Variants in DOCK4 observed in about 807,000 individuals in gnomAD.
DOCK4 encodes the protein dedicator of cytokinesis protein 4.
Under a neutral mutation model 268.1 loss-of-function variants are expected in DOCK4, and 97 were observed. The ratio of observed to expected loss-of-function variants is 0.36; its 90% CI spans 0.31 to 0.43. The LOEUF is 0.43. Among genes scored for constraint, DOCK4 ranks in the 20% least tolerant of loss-of-function variants. DOCK4 has a pLI of 1.00. For synonymous variants in DOCK4, 954 were observed against 887.2 expected, an observed-to-expected ratio of 1.08 and a Z score of -1.34; for missense variants, 2,145 against 2,455.7, an observed-to-expected ratio of 0.87 and a Z score of 2.67.
At chr7:112,023,901 A>G (rs1456417955) in intron 1 of DOCK4, among the ~76,000 whole-genome samples, 1 of 152,232 alleles carries the variant, frequency 6.6e-6, no homozygotes, top group Non-Finnish European at 1.5e-5. Context: ...TAAAACTTTG[A>G]TATTTCACAT....
chr7:112,204,206 G>A (rs1047888968), intron 1 of DOCK4, among the ~76,000 whole-genome samples: 8 of 152,144 alleles, frequency 5.3e-5, no homozygotes, highest in Non-Finnish European at 8.8e-5. Flanking sequence ...CGCTTGTAAA[G>A]AAAGGCAAGA....
At chr7:111,925,930 C>CAATAAATA (rs568583311) in intron 12 of DOCK4, among the ~76,000 whole-genome samples, 4 of 148,326 alleles carry the variant, frequency 2.7e-5, no homozygotes, top group African/African-American at 1.0e-4. Flanking sequence ...TACTAAAATA[C>CAATAAATA]AATAAATAAA....
intron 1 of DOCK4, among the ~76,000 whole-genome samples, chr7:112,120,480 C>G (rs1344575123): frequency 6.6e-6 from 1 of 152,036 alleles, no homozygotes; most frequent in Non-Finnish European, 1.5e-5. Flanking sequence ...TGTTTATATC[C>G]TCAAAATCAG....
At chr7:111,827,532 G>C (rs1586107091) in intron 26 of DOCK4, among the ~76,000 whole-genome samples, 2 of 152,228 alleles carry the variant, frequency 1.3e-5, no homozygotes, top group Admixed American at 1.3e-4. Context: ...ACTGTATCCT[G>C]GGAAGGCTTC....
intron 42 of DOCK4, among the ~76,000 whole-genome samples, chr7:111,750,033 T>G (rs1796530074): frequency 6.6e-6 from 1 of 152,204 alleles, no homozygotes; most frequent in Non-Finnish European, 1.5e-5. Flanking sequence ...AGAATTACTT[T>G]CCTCTATCCT....
intron 27 of DOCK4, among the ~76,000 whole-genome samples, chr7:111,813,827 T>C (rs941221744): frequency 1.3e-5 from 2 of 152,216 alleles, no homozygotes; most frequent in African/African-American, 4.8e-5. Context: ...TTTTACTATA[T>C]GAAACTGAAG....
chr7:112,109,990 C>T (rs1369749611), intron 1 of DOCK4, among the ~76,000 whole-genome samples: 2 of 151,712 alleles, frequency 1.3e-5, no homozygotes, highest in South Asian at 2.1e-4. Context: ...GTGATCCGCC[C>T]GCCTCGGCCT....
intron 25 of DOCK4, among the ~76,000 whole-genome samples, chr7:111,842,328 C>A (rs1803762770): frequency 1.3e-5 from 2 of 152,112 alleles, no homozygotes; most frequent in African/African-American, 4.8e-5. Flanking sequence ...CTGTGAAAGA[C>A]CAATAGTTGG....
chr7:112,118,202 A>G (rs1355871680), intron 1 of DOCK4, among the ~76,000 whole-genome samples: 1 of 151,800 alleles, frequency 6.6e-6, no homozygotes, highest in Non-Finnish European at 1.5e-5. Flanking sequence ...TAAAAGAATA[A>G]CAACAGAACC....
intron 28 of DOCK4, among the ~76,000 whole-genome samples, chr7:111,810,752 T>G (rs1259798923): frequency 6.6e-6 from 1 of 152,026 alleles, no homozygotes; most frequent in African/African-American, 2.4e-5. Flanking sequence ...ATCCCAACAC[T>G]TTGGGAGGCT....
Position 112,011,753 on chromosome 7 carries a change from AAAAC to A in DOCK4, c.38-7626_38-7623del, listed in dbSNP as rs1454499562. Among the ~76,000 whole-genome samples the A allele has an allele frequency of 1.3e-3, 203 of 151,406 alleles. 2 individuals carry two copies. Among genetic ancestry groups the A allele is most frequent in the African/African-American group, 4.6e-3 (188 of 41,096 alleles). On this transcript the variant is annotated intron_variant, in intron 1 of 52. Transcript: ENST00000428084. Reference sequence around the variant, plus strand: ...ACAAGAAGAACTGAAGGTCAAAAAAAAAACAAAAAAAAAACCTTTAAGTTTAAGC... The same window carrying A: ...ACAAGAAGAACTGAAGGTCAAAAAAAAAAAAAAAAACCTTTAAGTTTAAGC...
chr7:112,128,882 C>G (rs1442640489), intron 1 of DOCK4, among the ~76,000 whole-genome samples: 1 of 152,016 alleles, frequency 6.6e-6, no homozygotes, highest in Non-Finnish European at 1.5e-5. Context: ...CCAAATCCCC[C>G]TCTGCGAGAA....
At chr7:112,109,838 G>A (rs1284523123) in intron 1 of DOCK4, among the ~76,000 whole-genome samples, 5 of 149,252 alleles carry the variant, frequency 3.4e-5, no homozygotes, top group East Asian at 2.0e-4. Flanking sequence ...TCCGCCTCCC[G>A]GGTTCACGCC....
chr7:111,994,051 T>A (rs1317688436), intron 5 of DOCK4, 84 bp downstream of exon 5: 7 of 809,308 alleles, frequency 8.6e-6, no homozygotes, highest in African/African-American at 5.1e-5. Flanking sequence ...GAAGGTGCTA[T>A]ATTAGTTAAT....
chr7:111,727,481 C>A lies in DOCK4; in HGVS notation c.*793G>T, dbSNP rs944053976. Reference sequence around the variant, plus strand: ...TTCAGCATTTGCTCTTGTTCAATGACAAATTTTATATAGGAAACTATCAAG... The same window carrying A: ...TTCAGCATTTGCTCTTGTTCAATGAAAAATTTTATATAGGAAACTATCAAG... On this transcript the variant is annotated 3_prime_UTR_variant, in exon 53 of 53. Coordinates refer to ENST00000428084, the MANE Select transcript of DOCK4 (RefSeq NM_001363540.2). 1 of 152,492 alleles carries A rather than the reference C, an allele frequency of 6.6e-6. No homozygotes were observed. Among genetic ancestry groups the A allele is most frequent in the Non-Finnish European group, 1.5e-5 (1 of 68,010 alleles). The allele number at this position is 152,492 out of a possible 1,614,324, so 9.4% of individuals were successfully genotyped here.
chr7:112,059,295 A>G (rs1806155169), intron 1 of DOCK4, among the ~76,000 whole-genome samples: 1 of 151,794 alleles, frequency 6.6e-6, no homozygotes, highest in Admixed American at 6.6e-5. Context: ...GGTGCACACC[A>G]CCATGCCTGG....
At position 112,088,869 on chromosome 7, in the gene DOCK4, A is replaced by G. The variant is rs1332869354; in HGVS notation, c.38-84738T>C. On this transcript the variant is annotated intron_variant, in intron 1 of 52. Transcript: ENST00000428084. Reference sequence around the variant, plus strand: ...GGATAACACTAGTATCTACCACCTCATAGTGTGACTGAAAGGATTAATTAA... The same window carrying G: ...GGATAACACTAGTATCTACCACCTCGTAGTGTGACTGAAAGGATTAATTAA... Among the ~76,000 whole-genome samples, 4 of 152,108 alleles carry G rather than the reference A, an allele frequency of 2.6e-5. No homozygotes were observed. The East Asian group carries it at 7.7e-4, about 29-fold the overall frequency.
intron 42 of DOCK4, among the ~76,000 whole-genome samples, chr7:111,754,328 T>C (rs570475028): frequency 4.3e-4 from 66 of 152,356 alleles, no homozygotes; most frequent in African/African-American, 1.5e-3. Context: ...TAATTGAACA[T>C]GATAGGCCGA....
intron 16 of DOCK4, among the ~76,000 whole-genome samples, chr7:111,891,671 GC>G (rs140549664): frequency 6.6e-6 from 1 of 152,258 alleles, no homozygotes; most frequent in African/African-American, 2.4e-5. Flanking sequence ...TTGCCAAACT[GC>G]CCTCCAGAAA....
Sources: allele counts gnomAD v4.1 joint callset (sites outside exome capture counted in the v4.1 genomes callset), GRCh38; gene constraint gnomAD v4.1.1; transcripts MANE v1.5; gene names NCBI Gene and HGNC (gene_info 2026-07-23, HGNC 2026-07-21).